IFT46: variants seen among roughly 807,000 people sequenced by gnomAD.
IFT46 encodes intraflagellar transport protein 46 homolog.
A neutral mutation model predicts 39.6 loss-of-function variants in IFT46; 19 were observed. That is an observed-to-expected ratio of 0.48 (90% CI 0.33 to 0.70). The LOEUF (loss-of-function observed/expected upper bound fraction) is 0.70, where lower values mean the gene tolerates loss of function less well. Among genes scored for constraint, IFT46 ranks in the 30% least tolerant of loss-of-function variants. The pLI is 0.01. For missense variants in IFT46, 334 were observed against 364.8 expected, an observed-to-expected ratio of 0.92 and a Z score of 0.69; for synonymous variants, 117 against 134.8, an observed-to-expected ratio of 0.87 and a Z score of 0.91.
upstream of IFT46, among the ~76,000 whole-genome samples, chr11:118,573,949 A>G (rs1469816939): frequency 1.3e-5 from 2 of 152,224 alleles, no homozygotes; most frequent in African/African-American, 2.4e-5. Context: ...ATTTTAGAGC[A>G]TATTTTTATT....
intron 7 of IFT46, among the ~76,000 whole-genome samples, chr11:118,552,561 G>A (rs1017743910): frequency 1.3e-5 from 2 of 152,176 alleles, no homozygotes; most frequent in African/African-American, 4.8e-5. Context: ...GGCAGTCTGA[G>A]GTGGGAGGAT....
At chr11:118,575,861 G>C (rs1555073432), upstream of IFT46, among the ~76,000 whole-genome samples, 2 of 152,114 alleles carry the variant, frequency 1.3e-5, no homozygotes, top group Admixed American at 6.6e-5. Context: ...GTTATGGTTA[G>C]ACAATTTGCC....
intron 3 of IFT46, chr11:118,557,782 G>A: frequency 6.2e-7 from 1 of 1,614,090 alleles, no homozygotes; most frequent in Non-Finnish European, 8.5e-7. Flanking sequence ...ACCCTCTCAA[G>A]TACATGAGAA....
Position 118,552,300 on chromosome 11 carries a change from T to A in IFT46, c.519A>T (p.Glu173Asp). 1 of 1,614,244 alleles carries A rather than the reference T, an allele frequency of 6.2e-7. No homozygotes were observed. The highest frequency in any genetic ancestry group is 8.5e-7 in the Non-Finnish European group (1 of 1,180,026). Residue 173 changes from glutamate (E) to aspartate (D), a missense_variant, in exon 8 of 12, where the codon GAA (glutamate) becomes GAT (aspartate). By Grantham distance (45) the Glu-to-Asp change is conservative. Coordinates refer to ENST00000264021, the MANE Select transcript of IFT46 (RefSeq NM_001168618.2). Reference sequence around the variant, plus strand: ...ACGTGTCAATGGCTTTGGGATTCTTTTCTGCATCTTCTAGGCTTTTTACTT... The same window carrying A: ...ACGTGTCAATGGCTTTGGGATTCTTATCTGCATCTTCTAGGCTTTTTACTT... The part of the protein sequence containing the change: ...HMKVKSLEDA[E>D]KNPKAIDTWI...
chr11:118,556,979 C>A lies in IFT46; in HGVS notation c.112G>T (p.Asp38Tyr). 1 of 1,612,946 alleles carries A rather than the reference C, an allele frequency of 6.2e-7. No homozygotes were observed. Among genetic ancestry groups the A allele is most frequent in the South Asian group, 1.1e-5 (1 of 90,902 alleles). Residue 38 changes from aspartate to tyrosine, a missense_variant, in exon 4 of 12, where the codon GAT becomes TAT. Physicochemically the swap from Asp to Tyr is radical, Grantham distance 160. Coordinates refer to ENST00000264021, the MANE Select transcript of IFT46 (RefSeq NM_001168618.2). ...GFSENEDDDD[D>Y]DDDSSETDSD... ...TCAGTTTCAGATGAATCATCATCAT[C>A]ATCATCGTCATCCTCATTTTCACTA...
intron 11 of IFT46, 109 bp downstream of exon 11, chr11:118,545,300 G>T: frequency 2.3e-6 from 2 of 860,832 alleles, no homozygotes; most frequent in Non-Finnish European, 3.8e-6. Context: ...AAGGTAACTG[G>T]GCAGAGACAT....
chr11:118,555,561 G>C (rs1379907602), intron 4 of IFT46: 4 of 417,570 alleles, frequency 9.6e-6, no homozygotes, highest in African/African-American at 8.2e-5. Context: ...ATATTTTTTT[G>C]ATGTTAAAAT....
intron 7 of IFT46, among the ~76,000 whole-genome samples, chr11:118,552,806 C>T (rs1170269905): frequency 1.3e-5 from 2 of 149,212 alleles, no homozygotes; most frequent in African/African-American, 2.5e-5. Flanking sequence ...AAAAAAAAAG[C>T]CAAGTGCAGT....
chr11:118,550,009 C>T (rs953989243), intron 9 of IFT46, among the ~76,000 whole-genome samples: 19 of 151,730 alleles, frequency 1.3e-4, no homozygotes, highest in Non-Finnish European at 2.1e-4. Context: ...CTGCAACCTC[C>T]GTGCCCTCCT....
Position 118,545,438 on chromosome 11 carries a change from A to C in IFT46, c.790T>G (p.Ser264Ala). 1 of 1,613,578 alleles carries C rather than the reference A, an allele frequency of 6.2e-7. No homozygotes were observed. Among genetic ancestry groups the C allele is most frequent in the Non-Finnish European group, 8.5e-7 (1 of 1,179,514 alleles). The change falls in exon 11 of 12, where the codon TCC becomes GCC. Residue 264 changes from serine (S) to alanine (A), a missense_variant. Physicochemically the swap from Ser to Ala is moderately conservative, Grantham distance 99. Coordinates refer to ENST00000264021, the MANE Select transcript of IFT46 (RefSeq NM_001168618.2). ...GAGTTCTTGAATTCTGAGTAGAGGG[A>C]AAAGAGCAGATGGAGGGACTGGATC... ...SRIQSLHLLF[S>A]LYSEFKNSQH...
rs1367049415 is a variant in IFT46 at position 118,551,789 on chromosome 11, G to C, written c.669C>G (p.Gly223=). The C allele has an allele frequency of 6.2e-7, 1 of 1,613,288 alleles. No individual in the cohort carries two copies. The highest frequency in any genetic ancestry group is 8.5e-7 in the Non-Finnish European group (1 of 1,179,572). The change falls in exon 9 of 12, where the codon GGC becomes GGG. Residue 223 remains glycine (G), a synonymous_variant. Transcript: ENST00000264021. The part of the protein sequence containing the change: ...EWSPEFEELL[G]KVSLPTAEID... ...CCTCCTGCTACCTTCCACTCACCTTGCCCAAAAGCTCTTCAAACTCCGGGG... is the reference window on the plus strand; with the variant it reads ...CCTCCTGCTACCTTCCACTCACCTTCCCCAAAAGCTCTTCAAACTCCGGGG...
At chr11:118,557,609 G>T in intron 3 of IFT46, 5 of 1,125,212 alleles carry the variant, frequency 4.4e-6, no homozygotes, top group African/African-American at 3.1e-5. Flanking sequence ...TTTTTGTTCA[G>T]TGATATTTCT....
At chr11:118,563,949 C>T (rs1938144600) in intron 2 of IFT46, among the ~76,000 whole-genome samples, 1 of 151,934 alleles carries the variant, frequency 6.6e-6, no homozygotes, top group Non-Finnish European at 1.5e-5. Context: ...TACCTGTAAT[C>T]CCAGCACTTT....
rs939217963 is a variant in IFT46, at chr11:118,559,807, T to C, written c.23A>G (p.Glu8Gly). The change falls in exon 3 of 12, where the codon GAG (glutamate) becomes GGG (glycine). Residue 8 changes from glutamate (E) to glycine (G), a missense_variant. Coordinates refer to ENST00000264021, the MANE Select transcript of IFT46 (RefSeq NM_001168618.2). ...TACCTTGTTATTTTCCTCTTCACAC[T>C]CATCACTGCTGTTATCAGCCATAGC... MADNSSD[E>G]CEEENNKEKK... 6.2e-7 allele frequency: 1 copy of C among 1,613,490 alleles called. No individual in the cohort carries two copies.
Position 118,554,032 on chromosome 11 carries a change from G to A in IFT46, c.483+427C>T, listed in dbSNP as rs142480299. 2.6e-4 allele frequency among the ~76,000 whole-genome samples: 39 copies of A among 151,344 alleles called. 1 individual carries two copies. In the East Asian group the frequency reaches 5.8e-3, roughly 23 times the overall value. On this transcript the variant is annotated intron_variant, in intron 7 of 11. Coordinates refer to ENST00000264021, the MANE Select transcript of IFT46 (RefSeq NM_001168618.2). ...AAGCTGTCATTTAAAAATAGAGCTG[G>A]CCCAAAGCAATAACCATCTCTTTTT...
intron 2 of IFT46, among the ~76,000 whole-genome samples, chr11:118,562,225 C>T (rs1187139767): frequency 1.3e-5 from 2 of 151,580 alleles, no homozygotes; most frequent in African/African-American, 2.4e-5. Context: ...TGCAGTGGGC[C>T]GAGATCACGC....
intron 1 of IFT46, chr11:118,572,415 G>A: frequency 1.3e-6 from 1 of 790,604 alleles, no homozygotes; most frequent in Non-Finnish European, 1.8e-6. Flanking sequence ...CGCCATCTTG[G>A]CAAGAGGCGA....
At chr11:118,560,822 A>C (rs1190537039) in intron 2 of IFT46, 6 of 749,550 alleles carry the variant, frequency 8.0e-6, no homozygotes, top group Non-Finnish European at 1.5e-5. Context: ...AAATAAATAC[A>C]ACACACCCAA....
chr11:118,560,632 G>A lies in IFT46; in HGVS notation c.-35-768C>T, dbSNP rs117255886. 2,727 of 476,914 alleles carry A rather than the reference G, an allele frequency of 5.7e-3. 11 individuals carry two copies. Among genetic ancestry groups the A allele is most frequent in the Non-Finnish European group, 7.8e-3 (2,023 of 258,656 alleles). The allele number at this position is 476,914 out of a possible 1,614,324, so 29.5% of individuals were successfully genotyped here. ...AATGATTTTGCCTTTTCACCCCCTAGCACTGCTGGGCCGGCAGGTCTCTGT... is the reference window on the plus strand; with the variant it reads ...AATGATTTTGCCTTTTCACCCCCTAACACTGCTGGGCCGGCAGGTCTCTGT... On this transcript the variant is annotated intron_variant, in intron 2 of 11. Coordinates refer to ENST00000264021, the MANE Select transcript of IFT46 (RefSeq NM_001168618.2).
Sources: allele counts gnomAD v4.1 joint callset (sites outside exome capture counted in the v4.1 genomes callset), GRCh38; gene constraint gnomAD v4.1.1; transcripts MANE v1.5; gene names NCBI Gene and HGNC (gene_info 2026-07-23, HGNC 2026-07-21).